The following CABP1 variants were observed in gnomAD, a reference collection of about 807,000 sequenced individuals.
The protein encoded by CABP1 is calcium-binding protein 1.
In CABP1, 17 loss-of-function variants were observed where a neutral mutation model predicts 34.3. That is an observed-to-expected ratio of 0.50 (90% CI 0.34 to 0.74). The LOEUF (loss-of-function observed/expected upper bound fraction) is 0.74, where lower values mean the gene tolerates loss of function less well. Ranked by LOEUF, CABP1 falls within the 30% of genes least tolerant of loss-of-function variation. CABP1 has a pLI of 0.01. For synonymous variants in CABP1, 198 were observed against 229.2 expected (o/e 0.86, Z 1.23); for missense variants, 373 against 511.1 (o/e 0.73, Z 2.61).
At chr12:120,646,958 G>C (rs1262345313) in intron 1 of CABP1, among the ~76,000 whole-genome samples, 1 of 152,206 alleles carries the variant, frequency 6.6e-6, no homozygotes, top group Non-Finnish European at 1.5e-5. Flanking sequence ...GGTAGTATCA[G>C]CTCCTGCACC....
intron 1 of CABP1, among the ~76,000 whole-genome samples, chr12:120,648,942 A>G (rs1201444156): frequency 2.0e-5 from 3 of 149,908 alleles, no homozygotes; most frequent in Admixed American, 1.3e-4. Flanking sequence ...CGTCCTTCCC[A>G]TTCATTGGAG....
At chr12:120,668,110 G>C (rs1359353136), downstream of CABP1, among the ~76,000 whole-genome samples, 1 of 152,214 alleles carries the variant, frequency 6.6e-6, no homozygotes, top group African/African-American at 2.4e-5. Context: ...CTGGCCTCCT[G>C]TAGGGAGGTC....
Position 120,660,416 on chromosome 12 carries a change from T to G in CABP1, c.829+77T>G. On this transcript the variant is annotated intron_variant, in intron 3 of 5. Coordinates refer to ENST00000316803, the MANE Select transcript of CABP1 (RefSeq NM_001033677.2). The surrounding 1 kb of genome is among the most constrained non-coding windows in gnomAD (Gnocchi z 5.0). ...CCTCTGCAGTCAGACAGGACTGGCT[T>G]CAAATTCTGCATCCACCTCTTACCA... is the stretch of plus-strand genomic sequence containing the variant. 6.8e-7 allele frequency: 1 copy of G among 1,468,696 alleles called. No individual in the cohort carries two copies. Among genetic ancestry groups the G allele is most frequent in the Non-Finnish European group, 9.2e-7 (1 of 1,083,510 alleles). The allele number at this position is 1,468,696 out of a possible 1,614,324, so 91.0% of individuals were successfully genotyped here. A position where few individuals can be genotyped will look rare whatever the true frequency, so the allele number is the denominator to read the frequency against.
rs1219162586 is a variant in CABP1, at chr12:120,661,378, T to C, written c.1087+160T>C. On this transcript the variant is annotated intron_variant, in intron 5 of 5. Coordinates refer to ENST00000316803, the MANE Select transcript of CABP1 (RefSeq NM_001033677.2). This position sits in a 1 kb window ranked among gnomAD's most constrained non-coding sequence, Gnocchi z 5.1. ...TCCGTCCATGCCCCCGTCTAATCCATCTCCCATCCCTTCCCCATGCATCTA... is the reference window on the plus strand; with the variant it reads ...TCCGTCCATGCCCCCGTCTAATCCACCTCCCATCCCTTCCCCATGCATCTA... 1 of 692,914 alleles carries C rather than the reference T, an allele frequency of 1.4e-6. No individual in the cohort carries two copies. Among genetic ancestry groups the C allele is most frequent in the Admixed American group, 3.1e-5 (1 of 32,696 alleles). 42.9% of individuals were successfully genotyped at this position (692,914 alleles called of 1,614,324 possible). A position where few individuals can be genotyped will look rare whatever the true frequency, so the allele number is the denominator to read the frequency against.
downstream of CABP1, among the ~76,000 whole-genome samples, chr12:120,671,164 G>A (rs1193719900): frequency 6.6e-6 from 1 of 152,162 alleles, no homozygotes; most frequent in Admixed American, 6.6e-5. Context: ...CCAGCACTTC[G>A]GGAGGCCAAG....
chr12:120,654,500 T>G (rs532154981), intron 1 of CABP1, among the ~76,000 whole-genome samples: 2 of 152,208 alleles, frequency 1.3e-5, no homozygotes. Context: ...GCAAGTAGAA[T>G]GCAGTAGGAT....
At position 120,640,892 on chromosome 12, in the gene CABP1, G is replaced by T. The variant is rs1339685947; in HGVS notation, c.207G>T (p.Thr69=). The change falls in exon 1 of 6, where the codon ACG becomes ACT. Residue 69 remains threonine, a synonymous_variant. Transcript: ENST00000316803. The surrounding 1 kb of genome is among the most constrained non-coding windows in gnomAD (Gnocchi z 6.2). The part of the protein sequence containing the change: ...SSHIAKSESK[T]SLLKAAAAAA... ...ACATCGCCAAAAGCGAGTCCAAGACGTCGCTGCTGAAGGCGGCGGCGGCGG... is the reference window on the plus strand; with the variant it reads ...ACATCGCCAAAAGCGAGTCCAAGACTTCGCTGCTGAAGGCGGCGGCGGCGG... 2 of 1,092,732 alleles carry T rather than the reference G, an allele frequency of 1.8e-6. No individual in the cohort carries two copies. The highest frequency in any genetic ancestry group is 2.2e-6 in the Non-Finnish European group (2 of 900,228). The allele number at this position is 1,092,732 out of a possible 1,614,324, so 67.7% of individuals were successfully genotyped here. A position where few individuals can be genotyped will look rare whatever the true frequency, so the allele number is the denominator to read the frequency against.
At chr12:120,648,431 A>T (rs513175) in intron 1 of CABP1, among the ~76,000 whole-genome samples, 8 of 152,158 alleles carry the variant, frequency 5.3e-5, no homozygotes, top group Admixed American at 1.3e-4. Context: ...TCCACTGGAC[A>T]AGTGATACTT....
rs1410628660 is a variant in CABP1 at position 120,641,100 on chromosome 12, C to T, written c.415C>T (p.Pro139Ser). 1 of 1,212,790 alleles carries T rather than the reference C, an allele frequency of 8.2e-7. No homozygotes were observed. The allele number at this position is 1,212,790 out of a possible 1,614,324, so 75.1% of individuals were successfully genotyped here. Residue 139 changes from proline to serine, a missense_variant, in exon 1 of 6, where the codon CCC (proline) becomes TCC (serine). This residue lies in a region of CABP1 where 121 missense variants were observed against 125.5 expected (regional missense o/e 0.96). Coordinates refer to ENST00000316803, the MANE Select transcript of CABP1 (RefSeq NM_001033677.2). This position sits in a 1 kb window ranked among gnomAD's most constrained non-coding sequence, Gnocchi z 6.7. ...EGARGSQRVL[P>S]QAHCRPREAL... Reference sequence around the variant, plus strand: ...CGCGCGGGGGAGCCAGCGTGTGCTCCCCCAGGCGCACTGCAGGCCCCGGGA... The same window carrying T: ...CGCGCGGGGGAGCCAGCGTGTGCTCTCCCAGGCGCACTGCAGGCCCCGGGA...
chr12:120,672,699 G>A, the CABP1 span, among the ~76,000 whole-genome samples: 1 of 128,838 alleles, frequency 7.8e-6, no homozygotes. Flanking sequence ...ATGTAGGGAT[G>A]TGCACTTGGG....
At chr12:120,655,275 G>GA (rs991625071) in intron 1 of CABP1, 11 of 152,100 alleles carry the variant, frequency 7.2e-5, no homozygotes, top group Middle Eastern at 3.4e-3. Context: ...TGAAAATACG[G>GA]AAAAAAAAAT....
rs1000631170 is a variant in CABP1 at position 120,641,247 on chromosome 12, C to T, written c.562C>T (p.Arg188Trp). 5 of 1,287,350 alleles carry T rather than the reference C, an allele frequency of 3.9e-6. No homozygotes were observed. The African/African-American group carries it at 7.7e-5, about 20-fold the overall frequency. The allele number at this position is 1,287,350 out of a possible 1,614,324, so 79.7% of individuals were successfully genotyped here. Residue 188 changes from arginine to tryptophan, a missense_variant, in exon 1 of 6, where the codon CGG becomes TGG. By Grantham distance (101) the Arg-to-Trp change is moderately radical. Around this residue, in one of 4 missense-constraint regions of CABP1, gnomAD observed 121 missense variants for 125.5 expected, o/e 0.96. Transcript: ENST00000316803. This position sits in a 1 kb window ranked among gnomAD's most constrained non-coding sequence, Gnocchi z 6.7. ...CGGCCTCCGGGGCTCTCTGCGAGCC[C>T]GGGGCCGCGGGGACTCCGTTCCAGC... ...ALGLRGSLRA[R>W]GRGDSVPAAA...
At chr12:120,648,532 C>T (rs1879653932) in intron 1 of CABP1, among the ~76,000 whole-genome samples, 2 of 152,136 alleles carry the variant, frequency 1.3e-5, no homozygotes, top group African/African-American at 2.4e-5. Flanking sequence ...AGGAAAAGCC[C>T]CATTTTTCCA....
At chr12:120,673,516 G>A in the CABP1 span, among the ~76,000 whole-genome samples, 13 of 151,556 alleles carry the variant, frequency 8.6e-5, no homozygotes, top group South Asian at 2.1e-4. Flanking sequence ...CCCGGGAGGC[G>A]GAGTTTACAG....
At chr12:120,666,365 T>C (rs1463981642) in intron 5 of CABP1, among the ~76,000 whole-genome samples, 3 of 149,446 alleles carry the variant, frequency 2.0e-5, no homozygotes, top group African/African-American at 7.4e-5. Flanking sequence ...TCCCAGCTAC[T>C]AGGGAGGCTG....
At chr12:120,680,133 A>G in the CABP1 span, among the ~76,000 whole-genome samples, 1 of 152,210 alleles carries the variant, frequency 6.6e-6, no homozygotes, top group Non-Finnish European at 1.5e-5. Flanking sequence ...AAATCACACC[A>G]CTGCACTCCA....
Position 120,641,562 on chromosome 12 carries a change from G to T in CABP1, c.654+223G>T. 4.8e-6 allele frequency: 2 copies of T among 415,118 alleles called. 1 individual carries two copies. The highest frequency in any genetic ancestry group is 2.7e-4 in the South Asian group (2 of 7,534). 25.7% of individuals were successfully genotyped at this position (415,118 alleles called of 1,614,324 possible). A position where few individuals can be genotyped will look rare whatever the true frequency, so the allele number is the denominator to read the frequency against. ...CACGCTCCGGGCCTCTTGGGGCAAG[G>T]CCCTCCCCGCTAGCCTCCCTCATAC... On this transcript the variant is annotated intron_variant, in intron 1 of 5. Transcript: ENST00000316803. The surrounding 1 kb of genome is among the most constrained non-coding windows in gnomAD (Gnocchi z 6.7).
At chr12:120,677,551 A>G in the CABP1 span, among the ~76,000 whole-genome samples, 10,560 of 151,780 alleles carry the variant, frequency 0.07, 445 homozygotes, top group Admixed American at 0.12. Flanking sequence ...CATGCGCCAC[A>G]ATGCTCAGCT....
chr12:120,649,672 C>T (rs1879720736), intron 1 of CABP1, among the ~76,000 whole-genome samples: 1 of 152,164 alleles, frequency 6.6e-6, no homozygotes, highest in South Asian at 2.1e-4. Context: ...CATGCCCTCT[C>T]TGCCTGCGCT....
Sources: gnomAD v4.1 joint callset for allele counts (sites outside exome capture counted in the v4.1 genomes callset) on GRCh38, gnomAD v4.1.1 for gene constraint, gnomAD v4.1.1 regional missense constraint, Gnocchi (gnomAD v3.1) non-coding constraint, MANE v1.5 for transcripts, NCBI Gene and HGNC (gene_info 2026-07-23, HGNC 2026-07-21) for gene names.